The following FDFT1 variants were observed in gnomAD, a reference collection of about 807,000 sequenced individuals.
The protein encoded by FDFT1 is farnesyl-diphosphate farnesyltransferase 1.
A neutral mutation model predicts 46.8 loss-of-function variants in FDFT1; 68 were observed. That is an observed-to-expected ratio of 1.45 (90% CI 1.19 to 1.78). The LOEUF (loss-of-function observed/expected upper bound fraction) is 1.78, where lower values mean the gene tolerates loss of function less well. FDFT1 is among the 40% of genes most tolerant of loss of function. FDFT1 has a pLI of 0.00. For synonymous variants in FDFT1, 351 were observed against 185.1 expected (o/e 1.90, Z -7.28); for missense variants, 928 against 524.4 (o/e 1.77, Z -7.52).
intron 7 of FDFT1, among the ~76,000 whole-genome samples, chr8:11,832,779 G>A (rs1304796684): frequency 6.6e-6 from 1 of 151,920 alleles, no homozygotes; most frequent in Non-Finnish European, 1.5e-5. Context: ...TGATCCTCAG[G>A]TGTGATCCTG....
At chr8:11,801,774 A>G (rs560513986), upstream of FDFT1, 101 of 361,848 alleles carry the variant, frequency 2.8e-4, no homozygotes, top group South Asian at 1.9e-3. Context: ...GCTCACTGCA[A>G]ACTCCGCTTC....
chr8:11,810,579 C>T (rs1038365233), intron 3 of FDFT1, among the ~76,000 whole-genome samples: 1 of 152,154 alleles, frequency 6.6e-6, no homozygotes, highest in Non-Finnish European at 1.5e-5. Flanking sequence ...GCTATTTGGT[C>T]TATTTTGTTG....
intron 1 of FDFT1, chr8:11,808,567 C>G: frequency 2.2e-6 from 3 of 1,377,172 alleles, no homozygotes; most frequent in South Asian, 1.7e-5. Flanking sequence ...TTCAAGCGCA[C>G]CTTGGTGCTG....
intron 7 of FDFT1, among the ~76,000 whole-genome samples, chr8:11,836,241 G>T (rs1234487348): frequency 6.6e-6 from 1 of 150,678 alleles, no homozygotes; most frequent in Non-Finnish European, 1.5e-5. Flanking sequence ...CCTATTTTAT[G>T]GCTTTTGATG....
chr8:11,836,502 T>A (rs1811553687), intron 7 of FDFT1, among the ~76,000 whole-genome samples: 1 of 152,232 alleles, frequency 6.6e-6, no homozygotes, highest in African/African-American at 2.4e-5. Flanking sequence ...CCACCTTTCA[T>A]AAGGCTCCTT....
upstream of FDFT1, chr8:11,802,347 A>T (rs1806209447): frequency 2.4e-6 from 1 of 422,460 alleles, no homozygotes; most frequent in South Asian, 1.6e-5. Context: ...AGTGGGGAGG[A>T]AGCAGCCCCG....
chr8:11,801,822 TAGTTGGGACTAC>T (rs1482409537), upstream of FDFT1: 7 of 377,348 alleles, frequency 1.9e-5, no homozygotes, highest in Non-Finnish European at 3.6e-5. Flanking sequence ...GCCTCCGGAG[TAGTTGGGACTAC>T]AGGCGCCCAC....
intron 3 of FDFT1, among the ~76,000 whole-genome samples, chr8:11,820,916 A>T (rs1198440009): frequency 6.6e-6 from 1 of 152,188 alleles, no homozygotes; most frequent in South Asian, 2.1e-4. Context: ...CAGGTACCTC[A>T]GTTGGAAATG....
At chr8:11,805,734 A>G (rs915872776) in intron 1 of FDFT1, among the ~76,000 whole-genome samples, 5 of 152,252 alleles carry the variant, frequency 3.3e-5, no homozygotes, top group Admixed American at 2.6e-4. Context: ...CACTTAGTAT[A>G]TTCAAATGTT....
At chr8:11,825,986 T>A (rs778346991) in intron 4 of FDFT1, 38 bp from the exon 5 acceptor site, 2 of 1,447,170 alleles carry the variant, frequency 1.4e-6, no homozygotes, top group Non-Finnish European at 1.9e-6. Flanking sequence ...TCAGTAAAAA[T>A]TCCATTATTA....
chr8:11,832,551 C>CAAAA (rs531759815), intron 7 of FDFT1, among the ~76,000 whole-genome samples: 590 of 36,366 alleles, frequency 0.016, 53 homozygotes, highest in African/African-American at 0.044. Context: ...GACTTTGTCT[C>CAAAA]AAAAAAAAAA....
intron 3 of FDFT1, among the ~76,000 whole-genome samples, chr8:11,821,207 T>C (rs1012331104): frequency 1.3e-5 from 2 of 152,246 alleles, no homozygotes; most frequent in Non-Finnish European, 2.9e-5. Context: ...AAAGATGAAA[T>C]GTGTAGTGAG....
chr8:11,813,625 C>A (rs1808032363), intron 3 of FDFT1, among the ~76,000 whole-genome samples: 1 of 152,198 alleles, frequency 6.6e-6, no homozygotes, highest in Non-Finnish European at 1.5e-5. Context: ...TCTAAGGTTT[C>A]TAATCAGAGG....
In FDFT1 at chr8:11,838,572, A is replaced by T. The variant is rs769935220; in HGVS notation, c.1217A>T (p.Gln406Leu). ...TGGCAGTACCTGACCACTCTCTCCC[A>T]GGTAACAGAAGACTATGTTCAGACT... is the stretch of plus-strand genomic sequence containing the variant. Reference protein sequence around the residue: ...LSWQYLTTLSQVTEDYVQTGE... With the variant: ...LSWQYLTTLSLVTEDYVQTGE... The change falls in exon 8 of 8, where the codon CAG (glutamine) becomes CTG (leucine). Residue 406 changes from glutamine to leucine, a missense_variant. Gln to Leu is a moderately radical substitution (Grantham distance 113, BLOSUM62 -2). Transcript: ENST00000220584. 6.2e-7 allele frequency: 1 copy of T among 1,613,962 alleles called. No homozygotes were observed. The highest frequency in any genetic ancestry group is 1.7e-5 in the Admixed American group (1 of 59,954).
At chr8:11,801,717 G>A (rs1278765976), upstream of FDFT1, 5 of 269,238 alleles carry the variant, frequency 1.9e-5, no homozygotes, top group Non-Finnish European at 2.9e-5. Flanking sequence ...TTTTGGAGAC[G>A]TAGTCTTGCT....
In FDFT1 at chr8:11,838,459, G is replaced by A. The variant is rs770899743; in HGVS notation, c.1104G>A (p.Thr368=). The A allele has an allele frequency of 9.9e-5, 159 of 1,607,236 alleles. 1 individual carries two copies. The highest frequency in any genetic ancestry group is 1.3e-4 in the Non-Finnish European group (149 of 1,176,278). Residue 368 remains threonine, a synonymous_variant, in exon 8 of 8, where the codon ACG becomes ACA. Coordinates refer to ENST00000220584, the MANE Select transcript of FDFT1 (RefSeq NM_004462.5). The part of the protein sequence containing the change: ...KTRQIISTIR[T]QNLPNCQLIS... ...GGCAGATCATCTCCACCATCCGGACGCAGAATCTTCCCAACTGTCAGCTGA... is the reference window on the plus strand; with the variant it reads ...GGCAGATCATCTCCACCATCCGGACACAGAATCTTCCCAACTGTCAGCTGA...
chr8:11,812,952 C>T (rs1490640895), intron 3 of FDFT1, among the ~76,000 whole-genome samples: 1 of 152,166 alleles, frequency 6.6e-6, no homozygotes, highest in Non-Finnish European at 1.5e-5. Context: ...ATGATTTCAT[C>T]ATTCTGTGAA....
rs781109427 is a variant in FDFT1, at chr8:11,838,518, C to G, written c.1163C>G (p.Ser388Trp). ...AGCCACTACTCCCCCATCTACCTGT[C>G]GTTTGTCATGCTTTTGGCTGCCCTG... is the stretch of plus-strand genomic sequence containing the variant. Reference protein sequence around the residue: ...SRSHYSPIYLSFVMLLAALSW... With the variant: ...SRSHYSPIYLWFVMLLAALSW... Residue 388 changes from serine (S) to tryptophan (W), a missense_variant, in exon 8 of 8, where the codon TCG (serine) becomes TGG (tryptophan). Coordinates refer to ENST00000220584, the MANE Select transcript of FDFT1 (RefSeq NM_004462.5). 2.5e-6 allele frequency: 4 copies of G among 1,608,734 alleles called. No individual in the cohort carries two copies. The highest frequency in any genetic ancestry group is 2.2e-5 in the South Asian group (2 of 90,406).
intron 3 of FDFT1, among the ~76,000 whole-genome samples, chr8:11,814,932 A>G (rs1357433136): frequency 4.6e-5 from 7 of 151,916 alleles, no homozygotes; most frequent in Non-Finnish European, 5.9e-5. Context: ...GGTTTGTTAC[A>G]TAGGTATACA....
Sources: allele counts gnomAD v4.1 joint callset (sites outside exome capture counted in the v4.1 genomes callset), GRCh38; gene constraint gnomAD v4.1.1; transcripts MANE v1.5; gene names NCBI Gene and HGNC (gene_info 2026-07-23, HGNC 2026-07-21).